PCDHA8: variants seen among roughly 807,000 people sequenced by gnomAD.
The protein encoded by PCDHA8 is protocadherin alpha 8.
In PCDHA8, 53 loss-of-function variants were observed where a neutral mutation model predicts 61.8. That is an observed-to-expected ratio of 0.86 (90% CI 0.69 to 1.08). PCDHA8 has a LOEUF of 1.08. PCDHA8 is among the 50% of genes least tolerant of loss of function. PCDHA8 has a pLI of 0.00. For synonymous variants in PCDHA8, 618 were observed against 556.6 expected, an observed-to-expected ratio of 1.11 and a Z score of -1.55; for missense variants, 1,293 against 1,245.0, an observed-to-expected ratio of 1.04 and a Z score of -0.58.
At chr5:140,937,658 A>T (rs1045534345) in intron 1 of PCDHA8, among the ~76,000 whole-genome samples, 2 of 151,280 alleles carry the variant, frequency 1.3e-5, no homozygotes, top group Non-Finnish European at 2.9e-5. Flanking sequence ...CACGCCTGTA[A>T]TCCCAGCACT....
In PCDHA8 at chr5:140,915,351, C is replaced by G. The variant is rs75854979; in HGVS notation, c.2395-63598C>G. Among the ~76,000 whole-genome samples, 843 of 152,202 alleles carry G rather than the reference C, an allele frequency of 5.5e-3. 10 individuals carry two copies. Among genetic ancestry groups the G allele is most frequent in the African/African-American group, 0.019 (796 of 41,530 alleles). On this transcript the variant is annotated intron_variant, in intron 1 of 3. Coordinates refer to ENST00000531613, the MANE Select transcript of PCDHA8 (RefSeq NM_018911.3). ...TAATATTCTGTGTTTTTCTGTATGC[C>G]TATTCTTACCAGTAAGTGTCTCGGC...
intron 1 of PCDHA8, chr5:140,870,359 C>T (rs781862161): frequency 2.5e-6 from 4 of 1,614,204 alleles, no homozygotes; most frequent in Middle Eastern, 1.6e-4. Context: ...AACGTGTGGG[C>T]CTATGAACTG....
chr5:140,848,963 C>G (rs376979276), intron 1 of PCDHA8: 3 of 1,606,264 alleles, frequency 1.9e-6, no homozygotes, highest in Non-Finnish European at 1.7e-6. Flanking sequence ...CACTAGAGGG[C>G]GCGTCCGATG....
At chr5:140,870,502 A>G (rs781840750) in intron 1 of PCDHA8, 15 of 1,614,222 alleles carry the variant, frequency 9.3e-6, no homozygotes, top group Non-Finnish European at 1.2e-5. Context: ...GAAGGAGAAC[A>G]ACCCACCAGG....
Position 140,843,491 on chromosome 5 carries a change from T to C in PCDHA8, c.2170T>C (p.Ser724Pro), listed in dbSNP as rs2150361204. 8 of 1,595,956 alleles carry C rather than the reference T, an allele frequency of 5.0e-6. 1 individual carries two copies. Among genetic ancestry groups the C allele is most frequent in the South Asian group, 1.1e-5 (1 of 90,486 alleles). Residue 724 changes from serine (S) to proline (P), a missense_variant, in exon 1 of 4, where the codon TCA (serine) becomes CCA (proline). By Grantham distance (74) the Ser-to-Pro change is moderately conservative (BLOSUM62 -1). Transcript: ENST00000531613. Reference sequence around the variant, plus strand: ...GCTGCTGTACACTGCGCTGCGGTGCTCAGCACTGCCCACTGAGGGCGGGTG... The same window carrying C: ...GCTGCTGTACACTGCGCTGCGGTGCCCAGCACTGCCCACTGAGGGCGGGTG... ...TLLLYTALRC[S>P]ALPTEGGCRA... is the part of the protein sequence containing the mutation.
chr5:140,931,952 A>G (rs1159894265), intron 1 of PCDHA8, among the ~76,000 whole-genome samples: 2 of 151,970 alleles, frequency 1.3e-5, no homozygotes, highest in African/African-American at 4.8e-5. Flanking sequence ...AGTCTTACAG[A>G]ATCATGTTGA....
intron 1 of PCDHA8, among the ~76,000 whole-genome samples, chr5:140,976,863 T>G (rs116630325): frequency 0.028 from 4,205 of 152,320 alleles, 87 homozygotes; most frequent in Non-Finnish European, 0.044. Flanking sequence ...GAGTTTACTG[T>G]CTGACAAAGA....
At chr5:140,928,690 A>G in intron 1 of PCDHA8, 3 of 1,614,180 alleles carry the variant, frequency 1.9e-6, no homozygotes, top group Non-Finnish European at 2.5e-6. Flanking sequence ...TTCCTACCAC[A>G]TCTCCCGGGC....
In PCDHA8 at chr5:140,853,715, G is replaced by T; in HGVS notation, c.2394+10000G>T. ...ACCTGCTAACGCATTAGCATTAGCA[G>T]CACCTAAGTCCTCATTGAATGTTCT... is the stretch of plus-strand genomic sequence containing the variant. On this transcript the variant is annotated intron_variant, in intron 1 of 3. Coordinates refer to ENST00000531613, the MANE Select transcript of PCDHA8 (RefSeq NM_018911.3). 6 of 988,172 alleles carry T rather than the reference G, an allele frequency of 6.1e-6. 1 individual carries two copies. The highest frequency in any genetic ancestry group is 7.3e-6 in the Non-Finnish European group (6 of 820,144). 61.2% of individuals were successfully genotyped at this position (988,172 alleles called of 1,614,324 possible). A position where few individuals can be genotyped will look rare whatever the true frequency, so the allele number is the denominator to read the frequency against.
chr5:141,009,746 T>C lies in PCDHA8; in HGVS notation c.2662T>C (p.Phe888Leu). ...CGGTCCCGGTGAGTTGCCCGACAAA[T>C]TCATTATCCCAGGATCTCCTGCAAT... ...QSGPGELPDK[F>L]IIPGSPAIIS... The change falls in exon 4 of 4, where the codon TTC becomes CTC. Residue 888 changes from phenylalanine to leucine, a missense_variant. Transcript: ENST00000531613. 6.2e-7 allele frequency: 1 copy of C among 1,614,062 alleles called. No homozygotes were observed. Among genetic ancestry groups the C allele is most frequent in the Non-Finnish European group, 8.5e-7 (1 of 1,180,018 alleles).
At chr5:140,914,807 A>G (rs929659841) in intron 1 of PCDHA8, among the ~76,000 whole-genome samples, 2 of 152,330 alleles carry the variant, frequency 1.3e-5, no homozygotes, top group Middle Eastern at 3.4e-3. Context: ...ACTGATGGCA[A>G]CTTAACAGAC....
At chr5:140,848,736 A>G (rs1339313623) in intron 1 of PCDHA8, 1 of 1,592,708 alleles carries the variant, frequency 6.3e-7, no homozygotes. Context: ...AAATCTGCAG[A>G]ATGGCATTTT....
intron 1 of PCDHA8, chr5:140,966,857 C>A: frequency 6.3e-7 from 1 of 1,575,742 alleles, no homozygotes; most frequent in Non-Finnish European, 8.6e-7. Flanking sequence ...TCTCCTGCTG[C>A]TGTTGCTGCT....
At chr5:140,862,906 C>A in intron 1 of PCDHA8, 1 of 554,064 alleles carries the variant, frequency 1.8e-6, no homozygotes, top group Non-Finnish European at 3.5e-6. Flanking sequence ...GTCTGCGCTG[C>A]TGGCGCCTTG....
chr5:140,851,414 T>G lies in PCDHA8; in HGVS notation c.2394+7699T>G, dbSNP rs1459113543. ...TCTATTATTTTAATAAGAAAGAAAC[T>G]TCCCCTAAACTTTAGAAAACAGTTG... On this transcript the variant is annotated intron_variant, in intron 1 of 3. Transcript: ENST00000531613. 11 of 961,418 alleles carry G rather than the reference T, an allele frequency of 1.1e-5. No individual in the cohort carries two copies. In the East Asian group the frequency reaches 1.2e-3, roughly 108 times the overall value. 59.6% of individuals were successfully genotyped at this position (961,418 alleles called of 1,614,324 possible). A position where few individuals can be genotyped will look rare whatever the true frequency, so the allele number is the denominator to read the frequency against.
chr5:140,977,762 C>T (rs996806241), intron 1 of PCDHA8, among the ~76,000 whole-genome samples: 6 of 152,124 alleles, frequency 3.9e-5, no homozygotes, highest in Non-Finnish European at 5.9e-5. Context: ...TTATTAAATA[C>T]TTTGCATCCC....
At chr5:141,005,184 A>G (rs964423938) in intron 3 of PCDHA8, among the ~76,000 whole-genome samples, 27 of 152,196 alleles carry the variant, frequency 1.8e-4, no homozygotes, top group Non-Finnish European at 3.7e-4. Flanking sequence ...CACTTCTCAC[A>G]TCAGTCCTTT....
At position 140,927,789 on chromosome 5, in the gene PCDHA8, A is replaced by G. The variant is rs781883935; in HGVS notation, c.2395-51160A>G. On this transcript the variant is annotated intron_variant, in intron 1 of 3. Transcript: ENST00000531613. The stretch of plus-strand genomic sequence containing the variant: ...GGGAGGTGCAAGTAGCTGCTTCACT[A>G]GGTCCGCCTGAAACGCTCTTGGAGG... 4 of 1,614,164 alleles carry G rather than the reference A, an allele frequency of 2.5e-6. No individual in the cohort carries two copies. The African/African-American group carries it at 4.0e-5, about 16-fold the overall frequency.
At chr5:140,984,157 C>G (rs1187103463) in intron 3 of PCDHA8, among the ~76,000 whole-genome samples, 1 of 152,228 alleles carries the variant, frequency 6.6e-6, no homozygotes, top group Non-Finnish European at 1.5e-5. Flanking sequence ...AAGGTGAGAA[C>G]TTCCCAAAGA....
Sources: gnomAD v4.1 joint callset for allele counts (sites outside exome capture counted in the v4.1 genomes callset) on GRCh38, gnomAD v4.1.1 for gene constraint, MANE v1.5 for transcripts, NCBI Gene and HGNC (gene_info 2026-07-23, HGNC 2026-07-21) for gene names.